Variants in ITPR1 observed in about 807,000 individuals in gnomAD.
ITPR1 encodes inositol 1,4,5-trisphosphate-gated calcium channel ITPR1.
Under a neutral mutation model 318.4 loss-of-function variants are expected in ITPR1, and 96 were observed. That is an observed-to-expected ratio of 0.30 (90% CI 0.26 to 0.36). ITPR1 has a LOEUF of 0.36. ITPR1 is among the 10% of genes least tolerant of loss of function. The probability of loss-of-function intolerance (pLI) is 1.00; values close to 1 mark genes in which losing one functional copy is unlikely to be tolerated. For missense variants in ITPR1, 2,440 were observed against 3,460.2 expected, an observed-to-expected ratio of 0.71 and a Z score of 7.40; for synonymous variants, 1,312 against 1,289.9, an observed-to-expected ratio of 1.02 and a Z score of -0.37.
chr3:4,742,926 A>T (rs978989746), intron 44 of ITPR1, among the ~76,000 whole-genome samples: 1 of 152,228 alleles, frequency 6.6e-6, no homozygotes, highest in Non-Finnish European at 1.5e-5. Flanking sequence ...AATTGACCCA[A>T]GTCCTTCTGA....
At chr3:4,814,006 C>G (rs1393251076) in intron 57 of ITPR1, among the ~76,000 whole-genome samples, 1 of 152,174 alleles carries the variant, frequency 6.6e-6, no homozygotes, top group Non-Finnish European at 1.5e-5. Flanking sequence ...GTGAAATATC[C>G]CTGGATATAG....
chr3:4,523,796 A>G, intron 4 of ITPR1, among the ~76,000 whole-genome samples: 1 of 152,254 alleles, frequency 6.6e-6, no homozygotes, highest in African/African-American at 2.4e-5. Flanking sequence ...AAATAGGACT[A>G]TAGCAGGGGA....
intron 4 of ITPR1, among the ~76,000 whole-genome samples, chr3:4,541,244 G>A: frequency 6.6e-6 from 1 of 151,906 alleles, no homozygotes; most frequent in Non-Finnish European, 1.5e-5. Flanking sequence ...TCTGCCTCAA[G>A]CACATTCTTA....
intron 44 of ITPR1, among the ~76,000 whole-genome samples, chr3:4,755,403 CA>C (rs1164905426): frequency 2.4e-5 from 2 of 81,968 alleles, no homozygotes; most frequent in Non-Finnish European, 3.8e-5. Context: ...CAATTAAAAA[CA>C]TTTTTTTTTT....
chr3:4,726,324 C>A (rs2042512686), intron 41 of ITPR1, among the ~76,000 whole-genome samples: 1 of 148,746 alleles, frequency 6.7e-6, no homozygotes, highest in Non-Finnish European at 1.5e-5. Context: ...GGCTCTGCGC[C>A]CAGCCTATGA....
At chr3:4,706,815 C>T (rs1242333145) in intron 37 of ITPR1, among the ~76,000 whole-genome samples, 1 of 152,038 alleles carries the variant, frequency 6.6e-6, no homozygotes, top group Non-Finnish European at 1.5e-5. Context: ...TACCTTTTTT[C>T]GTAGAATCTA....
chr3:4,697,379 A>G, intron 34 of ITPR1, 107 bp downstream of exon 34: 1 of 1,080,584 alleles, frequency 9.3e-7, no homozygotes, highest in Non-Finnish European at 1.3e-6. Context: ...ACATGAAGAA[A>G]ACAGCTGCAT....
intron 40 of ITPR1, among the ~76,000 whole-genome samples, chr3:4,719,114 G>A (rs1195553848): frequency 1.3e-5 from 2 of 152,162 alleles, no homozygotes; most frequent in Non-Finnish European, 2.9e-5. Context: ...GGAGTTTATT[G>A]CTCACTTATG....
rs2086471009 is a variant in ITPR1, at chr3:4,559,558, G to A, written c.163+38464G>A. The stretch of plus-strand genomic sequence containing the variant: ...GGCACAATTCTTTGCATGCCAAGAT[G>A]AGTAAAAATGATTATTCTCCAGTAT... On this transcript the variant is annotated intron_variant, in intron 4 of 61. Transcript: ENST00000649015. Among the ~76,000 whole-genome samples the A allele has an allele frequency of 2.0e-5, 3 of 152,272 alleles. No individual in the cohort carries two copies. In the South Asian group the frequency reaches 6.2e-4, roughly 32 times the overall value.
At chr3:4,802,894 A>G (rs2106472952) in intron 54 of ITPR1, among the ~76,000 whole-genome samples, 1 of 152,242 alleles carries the variant, frequency 6.6e-6, no homozygotes, top group South Asian at 2.1e-4. Flanking sequence ...ATAGTAACAC[A>G]TGGTGGGCAC....
chr3:4,589,093 G>A (rs78666730), intron 4 of ITPR1, among the ~76,000 whole-genome samples: 60 of 152,262 alleles, frequency 3.9e-4, no homozygotes, highest in African/African-American at 1.3e-3. Flanking sequence ...GGAGGGTGAG[G>A]CAGAGGGTTG....
intron 5 of ITPR1, among the ~76,000 whole-genome samples, chr3:4,628,883 T>A (rs917114710): frequency 1.3e-5 from 2 of 152,214 alleles, no homozygotes; most frequent in African/African-American, 4.8e-5. Context: ...CCTCAAGAGG[T>A]CCTGCCTCTC....
intron 2 of ITPR1, among the ~76,000 whole-genome samples, chr3:4,511,305 C>G (rs888500462): frequency 1.3e-5 from 2 of 152,144 alleles, no homozygotes; most frequent in African/African-American, 4.8e-5. Context: ...TCCCTGCCCC[C>G]CCTTTTTTTT....
intron 42 of ITPR1, among the ~76,000 whole-genome samples, chr3:4,728,982 T>C (rs1475400426): frequency 6.6e-6 from 1 of 152,238 alleles, no homozygotes; most frequent in African/African-American, 2.4e-5. Flanking sequence ...CTGTATCTCC[T>C]GCACTTCATG....
chr3:4,604,239 G>T (rs963195428), intron 4 of ITPR1, among the ~76,000 whole-genome samples: 4 of 152,106 alleles, frequency 2.6e-5, no homozygotes, highest in Admixed American at 2.6e-4. Flanking sequence ...CTTCTGTGCT[G>T]GCAAGGCTCT....
At position 4,733,055 on chromosome 3, in the gene ITPR1, A is replaced by G. The variant is rs934418636; in HGVS notation, c.5221-33A>G. On this transcript the variant is annotated intron_variant, in intron 42 of 61. Transcript: ENST00000649015. The stretch of plus-strand genomic sequence containing the variant: ...CGTCCCTCGGTGATGCATTAAATGC[A>G]GAAGCTGATTTTATTATCCTGTTTG... 3.7e-6 allele frequency: 6 copies of G among 1,601,108 alleles called. No homozygotes were observed. The African/African-American group carries it at 6.7e-5, about 18-fold the overall frequency.
Position 4,672,795 on chromosome 3 carries a change from A to G in ITPR1, c.2205-341A>G, listed in dbSNP as rs188201165. On this transcript the variant is annotated intron_variant, in intron 20 of 61. Transcript: ENST00000649015. Reference sequence around the variant, plus strand: ...AACACAGCTGAAGGGAAAGAAATAGACAACCATCTTAGGCCTTAGCATTCC... The same window carrying G: ...AACACAGCTGAAGGGAAAGAAATAGGCAACCATCTTAGGCCTTAGCATTCC... 3.0e-4 allele frequency among the ~76,000 whole-genome samples: 46 copies of G among 152,322 alleles called. No individual in the cohort carries two copies. The East Asian group carries it at 8.3e-3, about 27-fold the overall frequency.
At chr3:4,634,546 GA>G (rs1188116600) in intron 5 of ITPR1, among the ~76,000 whole-genome samples, 5 of 152,188 alleles carry the variant, frequency 3.3e-5, no homozygotes, top group Non-Finnish European at 7.4e-5. Flanking sequence ...GAGACATGAT[GA>G]AGGTGTTTTT....
Position 4,777,298 on chromosome 3 carries a change from ACAT to A in ITPR1, c.6221_6223del (p.Ile2074del). 6.2e-7 allele frequency: 1 copy of A among 1,606,926 alleles called. No homozygotes were observed. Among genetic ancestry groups the A allele is most frequent in the South Asian group, 1.1e-5 (1 of 89,310 alleles). On this transcript the variant is annotated inframe_deletion, in exon 48 of 62. Coordinates refer to ENST00000649015, the MANE Select transcript of ITPR1 (RefSeq NM_001378452.1). ...GCCACCCATGAATCCAATGGCATTG[ACAT>A]CATCACAGCCCTGATCCTCAATGAT...
Sources: gnomAD v4.1 joint callset for allele counts (sites outside exome capture counted in the v4.1 genomes callset) on GRCh38, gnomAD v4.1.1 for gene constraint, MANE v1.5 for transcripts, NCBI Gene and HGNC (gene_info 2026-07-23, HGNC 2026-07-21) for gene names.